The following TMEM65 variants were observed in gnomAD, a reference collection of about 807,000 sequenced individuals.
TMEM65 encodes transmembrane protein 65.
Under a neutral mutation model 25.4 loss-of-function variants are expected in TMEM65, and 22 were observed. The observed-to-expected ratio is 0.86, with a 90% CI of 0.62 to 1.23. The LOEUF is 1.23. Ranked by LOEUF, TMEM65 falls within the 50% of genes most tolerant of loss-of-function variation. The pLI is 0.00. For synonymous variants in TMEM65, 132 were observed against 126.2 expected, an observed-to-expected ratio of 1.05 and a Z score of -0.31; for missense variants, 262 against 308.2, an observed-to-expected ratio of 0.85 and a Z score of 1.12.
At chr8:124,366,191 C>T (rs566438799) in intron 1 of TMEM65, among the ~76,000 whole-genome samples, 1 of 152,376 alleles carries the variant, frequency 6.6e-6, no homozygotes, top group Non-Finnish European at 1.5e-5. Flanking sequence ...CACTGCACTC[C>T]AGACTGAGTG....
intron 1 of TMEM65, among the ~76,000 whole-genome samples, chr8:124,355,803 T>C (rs930807964): frequency 2.0e-5 from 3 of 152,206 alleles, no homozygotes; most frequent in African/African-American, 7.2e-5. Context: ...TAGTACTTGC[T>C]TACTTAGGAT....
At chr8:124,336,338 G>T (rs1814505900) in intron 1 of TMEM65, among the ~76,000 whole-genome samples, 1 of 151,852 alleles carries the variant, frequency 6.6e-6, no homozygotes, top group African/African-American at 2.4e-5. Context: ...ATATAAACTT[G>T]AACACTACCA....
rs374281482 is a variant in TMEM65, at chr8:124,312,305, T to C, written c.*1655A>G. 45 of 150,274 alleles carry C rather than the reference T, an allele frequency of 3.0e-4. No individual in the cohort carries two copies. In the East Asian group the frequency reaches 3.3e-3, roughly 11 times the overall value. 9.3% of individuals were successfully genotyped at this position (150,274 alleles called of 1,614,324 possible). A position where few individuals can be genotyped will look rare whatever the true frequency, so the allele number is the denominator to read the frequency against. ...AATGTCACATTATTTGTGCATGTTA[T>C]ATATTTATTTTTAGATTATATGCTA... On this transcript the variant is annotated 3_prime_UTR_variant, in exon 7 of 7. Transcript: ENST00000297632.
chr8:124,318,601 C>T lies in TMEM65; in HGVS notation c.621+1485G>A, dbSNP rs185005200. On this transcript the variant is annotated intron_variant, in intron 6 of 6. Transcript: ENST00000297632. ...ATGCTGATCAGACTGGTCTCAAACT[C>T]CTGACCTCAGGTGATCCACCCGCCT... is the stretch of plus-strand genomic sequence containing the variant. Among the ~76,000 whole-genome samples, 248 of 152,090 alleles carry T rather than the reference C, an allele frequency of 1.6e-3. 3 individuals carry two copies. Among genetic ancestry groups the T allele is most frequent in the Admixed American group, 7.0e-3 (107 of 15,268 alleles).
intron 1 of TMEM65, among the ~76,000 whole-genome samples, chr8:124,339,924 G>A (rs1198126677): frequency 6.6e-6 from 1 of 152,006 alleles, no homozygotes; most frequent in Non-Finnish European, 1.5e-5. Flanking sequence ...CAATAGGGAA[G>A]TTTTAACCTA....
intron 1 of TMEM65, among the ~76,000 whole-genome samples, chr8:124,365,594 T>C (rs1814927544): frequency 6.6e-6 from 1 of 151,854 alleles, no homozygotes; most frequent in South Asian, 2.1e-4. Context: ...AAAAAGAATT[T>C]TGCAAGTGTA....
intron 6 of TMEM65, among the ~76,000 whole-genome samples, chr8:124,318,363 GTTTTTGTTTTT>G (rs1330139101): frequency 2.4e-4 from 18 of 73,840 alleles, no homozygotes; most frequent in African/African-American, 7.3e-4. Context: ...GAATTTGCAT[GTTTTTGTTTTT>G]TTTTTTTTTT....
intron 1 of TMEM65, among the ~76,000 whole-genome samples, chr8:124,347,704 T>C (rs1030616200): frequency 6.6e-6 from 1 of 152,186 alleles, no homozygotes; most frequent in Non-Finnish European, 1.5e-5. Context: ...AAGCAACTAA[T>C]GAATTCCAGA....
At chr8:124,325,134 C>T (rs973382050) in intron 3 of TMEM65, among the ~76,000 whole-genome samples, 2 of 151,664 alleles carry the variant, frequency 1.3e-5, no homozygotes, top group African/African-American at 4.8e-5. Context: ...TTTGTTTTTA[C>T]GACTACAACT....
Position 124,311,856 on chromosome 8 carries a change from T to C in TMEM65, c.*2104A>G, listed in dbSNP as rs1220657149. On this transcript the variant is annotated 3_prime_UTR_variant, in exon 7 of 7. Transcript: ENST00000297632. ...CCCATAAATTAAAATTATCTTTCAATGTGAAGGTTATATATTTTGACACCT... is the reference window on the plus strand; with the variant it reads ...CCCATAAATTAAAATTATCTTTCAACGTGAAGGTTATATATTTTGACACCT... 6.6e-6 allele frequency: 1 copy of C among 152,432 alleles called. No individual in the cohort carries two copies. 9.4% of individuals were successfully genotyped at this position (152,432 alleles called of 1,614,324 possible).
At position 124,330,877 on chromosome 8, in the gene TMEM65, T is replaced by C. The variant is rs1376594542; in HGVS notation, c.305-85A>G. On this transcript the variant is annotated intron_variant, in intron 1 of 6. Coordinates refer to ENST00000297632, the MANE Select transcript of TMEM65 (RefSeq NM_194291.3). Reference sequence around the variant, plus strand: ...TTACAATGAAGAAAATACCAGAAGATTTACAACGTGGGAGAATATCAGAGT... The same window carrying C: ...TTACAATGAAGAAAATACCAGAAGACTTACAACGTGGGAGAATATCAGAGT... The C allele has an allele frequency of 4.8e-6, 6 of 1,245,044 alleles. No homozygotes were observed. The South Asian group carries it at 6.7e-5, about 14-fold the overall frequency. 77.1% of individuals were successfully genotyped at this position (1,245,044 alleles called of 1,614,324 possible). A position where few individuals can be genotyped will look rare whatever the true frequency, so the allele number is the denominator to read the frequency against.
chr8:124,330,620 G>T, intron 2 of TMEM65, 128 bp downstream of exon 2: 1 of 825,594 alleles, frequency 1.2e-6, no homozygotes, highest in South Asian at 1.9e-5. Flanking sequence ...TTCATATAAT[G>T]AACAGGATAA....
chr8:124,356,161 G>A (rs1814777980), intron 1 of TMEM65, among the ~76,000 whole-genome samples: 1 of 152,016 alleles, frequency 6.6e-6, no homozygotes, highest in Non-Finnish European at 1.5e-5. Context: ...CCAGTCTCAG[G>A]TTATTTCTTT....
At chr8:124,371,816 CGG>C in intron 1 of TMEM65, 36 bp downstream of exon 1, 2 of 1,487,428 alleles carry the variant, frequency 1.3e-6, no homozygotes, top group Non-Finnish European at 1.8e-6. Context: ...AGGAGGGCGT[CGG>C]GGCCCCCGGG....
At chr8:124,332,639 GA>G (rs1814446219) in intron 1 of TMEM65, among the ~76,000 whole-genome samples, 1 of 151,914 alleles carries the variant, frequency 6.6e-6, no homozygotes, top group African/African-American at 2.4e-5. Flanking sequence ...AAATAAAGGA[GA>G]TACAACAGGG....
At chr8:124,362,336 A>T (rs879166177) in intron 1 of TMEM65, among the ~76,000 whole-genome samples, 3 of 152,136 alleles carry the variant, frequency 2.0e-5, no homozygotes, top group African/African-American at 7.2e-5. Flanking sequence ...GATAAAACTA[A>T]ATTAATATAG....
chr8:124,368,922 T>C (rs72711190), intron 1 of TMEM65, among the ~76,000 whole-genome samples: 2,060 of 152,354 alleles, frequency 0.014, 49 homozygotes, highest in East Asian at 0.1. Flanking sequence ...GGATAACTAA[T>C]ACAATGAGCA....
At position 124,353,963 on chromosome 8, in the gene TMEM65, C is replaced by T. The variant is rs767312069; in HGVS notation, c.304+17891G>A. ...TCAGATAGATACCATGTTAATCAAA[C>T]GTCCAAAGTTAACATCACCAAGGAC... On this transcript the variant is annotated intron_variant, in intron 1 of 6. Transcript: ENST00000297632. Among the ~76,000 whole-genome samples the T allele has an allele frequency of 5.3e-5, 8 of 152,144 alleles. No individual in the cohort carries two copies. The South Asian group carries it at 6.2e-4, about 12-fold the overall frequency.
At chr8:124,344,786 A>T (rs1440267591) in intron 1 of TMEM65, among the ~76,000 whole-genome samples, 2 of 152,216 alleles carry the variant, frequency 1.3e-5, no homozygotes, top group African/African-American at 4.8e-5. Context: ...CTGGTACACC[A>T]TATCCTCTCT....
Sources: gnomAD v4.1 joint callset for allele counts (sites outside exome capture counted in the v4.1 genomes callset) on GRCh38, gnomAD v4.1.1 for gene constraint, MANE v1.5 for transcripts, NCBI Gene and HGNC (gene_info 2026-07-23, HGNC 2026-07-21) for gene names.